Variants in NOX4 observed in about 807,000 individuals in gnomAD.
NOX4 encodes NADPH oxidase 4.
A neutral mutation model predicts 87.6 loss-of-function variants in NOX4; 69 were observed. The ratio of observed to expected loss-of-function variants is 0.79; its 90% CI spans 0.65 to 0.96. The LOEUF (loss-of-function observed/expected upper bound fraction) is 0.96. Ranked by LOEUF, NOX4 falls within the 40% of genes least tolerant of loss-of-function variation. The pLI is 0.00. For synonymous variants in NOX4, 275 were observed against 238.2 expected (o/e 1.15, Z -1.42); for missense variants, 680 against 681.5 (o/e 1.00, Z 0.02).
At chr11:89,429,847 C>T (rs972774473) in intron 7 of NOX4, among the ~76,000 whole-genome samples, 2 of 152,182 alleles carry the variant, frequency 1.3e-5, no homozygotes, top group Non-Finnish European at 2.9e-5. Context: ...CTCCCTAACT[C>T]ATTTTATAAG....
chr11:89,542,755 G>T, the NOX4 span, among the ~76,000 whole-genome samples: 3 of 152,016 alleles, frequency 2.0e-5, no homozygotes, highest in Non-Finnish European at 4.4e-5. Context: ...AGGAACTCAG[G>T]TTTCTAATTA....
At chr11:89,340,915 A>C (rs190795923) in intron 14 of NOX4, among the ~76,000 whole-genome samples, 36 of 152,274 alleles carry the variant, frequency 2.4e-4, no homozygotes, top group African/African-American at 8.4e-4. Flanking sequence ...TTTAAAACTG[A>C]AATAAAATAT....
At chr11:89,384,035 C>G (rs1278765687) in intron 11 of NOX4, among the ~76,000 whole-genome samples, 1 of 152,070 alleles carries the variant, frequency 6.6e-6, no homozygotes, top group Non-Finnish European at 1.5e-5. Flanking sequence ...ACAGCATGGC[C>G]TTTTAAAGCC....
chr11:89,337,618 C>G lies in NOX4; in HGVS notation c.1447-103G>C, dbSNP rs147281059. The G allele has an allele frequency of 2.4e-3, 3,519 of 1,482,064 alleles. 66 individuals carry two copies. In the African/African-American group the frequency reaches 0.043, roughly 18 times the overall value. 91.8% of individuals were successfully genotyped at this position (1,482,064 alleles called of 1,614,324 possible). On this transcript the variant is annotated intron_variant, in intron 15 of 17. Coordinates refer to ENST00000263317, the MANE Select transcript of NOX4 (RefSeq NM_016931.5). ...GATTCTAGAATTTAACACAACCTAG[C>G]TTATCATAGTCAATATCTATAAGAA...
chr11:89,474,223 C>T (rs1339215609), intron 2 of NOX4, among the ~76,000 whole-genome samples: 1 of 152,014 alleles, frequency 6.6e-6, no homozygotes, highest in Non-Finnish European at 1.5e-5. Flanking sequence ...ACAATCACTG[C>T]ATAGTTTCCA....
At chr11:89,579,261 A>T in the NOX4 span, among the ~76,000 whole-genome samples, 1 of 152,198 alleles carries the variant, frequency 6.6e-6, no homozygotes, top group Non-Finnish European at 1.5e-5. Flanking sequence ...AAAAACTCAT[A>T]GAATGCACAA....
At chr11:89,538,824 G>A in the NOX4 span, among the ~76,000 whole-genome samples, 10 of 151,926 alleles carry the variant, frequency 6.6e-5, no homozygotes, top group Non-Finnish European at 1.3e-4. Context: ...AGATGTTATG[G>A]ACTCAATGTT....
chr11:89,533,051 T>C, the NOX4 span, among the ~76,000 whole-genome samples: 5 of 152,278 alleles, frequency 3.3e-5, no homozygotes, highest in South Asian at 1.0e-3. Context: ...TTCATAGCAA[T>C]GTGAAAATGA....
intron 11 of NOX4, among the ~76,000 whole-genome samples, chr11:89,394,103 C>T (rs922628892): frequency 9.9e-5 from 15 of 152,246 alleles, no homozygotes; most frequent in African/African-American, 3.6e-4. Flanking sequence ...GCTCTACACA[C>T]TACTTCTTTT....
intron 11 of NOX4, among the ~76,000 whole-genome samples, chr11:89,386,988 T>TC (rs907690975): frequency 1.3e-5 from 2 of 151,994 alleles, no homozygotes; most frequent in Non-Finnish European, 2.9e-5. Flanking sequence ...CTTCTAACAA[T>TC]CCCACAATAT....
intron 11 of NOX4, among the ~76,000 whole-genome samples, chr11:89,395,591 T>C (rs1941429948): frequency 1.3e-5 from 2 of 152,220 alleles, no homozygotes; most frequent in Non-Finnish European, 2.9e-5. Context: ...GCCTATGTCC[T>C]GAATGGTATT....
chr11:89,383,440 G>A (rs537034577), intron 11 of NOX4, among the ~76,000 whole-genome samples: 159 of 152,264 alleles, frequency 1.0e-3, no homozygotes, highest in African/African-American at 3.3e-3. Flanking sequence ...AGGTCTTCTC[G>A]GCTTAGTGAC....
chr11:89,566,826 T>C, the NOX4 span, among the ~76,000 whole-genome samples: 2 of 152,262 alleles, frequency 1.3e-5, no homozygotes, highest in African/African-American at 4.8e-5. Flanking sequence ...CAGTGACTCC[T>C]TGGAAGGAGT....
At chr11:89,483,974 C>A (rs1946491452) in intron 2 of NOX4, among the ~76,000 whole-genome samples, 1 of 152,030 alleles carries the variant, frequency 6.6e-6, no homozygotes, top group African/African-American at 2.4e-5. Flanking sequence ...AGTTATAGAA[C>A]CCCTCTAACT....
At chr11:89,557,275 G>A in the NOX4 span, 1 of 152,164 alleles carries the variant, frequency 6.6e-6, no homozygotes. Context: ...GAATTATTAA[G>A]TGAAGATGAT....
chr11:89,413,667 AGG>A (rs761216628), intron 8 of NOX4, among the ~76,000 whole-genome samples: 2 of 152,118 alleles, frequency 1.3e-5, no homozygotes, highest in Non-Finnish European at 2.9e-5. Context: ...CGATTACCAG[AGG>A]CTGCGAATGA....
chr11:89,485,467 A>C (rs939823885), intron 2 of NOX4, among the ~76,000 whole-genome samples: 5 of 152,080 alleles, frequency 3.3e-5, no homozygotes, highest in African/African-American at 1.2e-4. Context: ...TTTTCAAGTT[A>C]AAATGTTTAT....
At chr11:89,550,424 G>A in the NOX4 span, among the ~76,000 whole-genome samples, 1 of 152,082 alleles carries the variant, frequency 6.6e-6, no homozygotes, top group Non-Finnish European at 1.5e-5. Flanking sequence ...GACCTCAGGT[G>A]ATCTGCCAAC....
the NOX4 span, among the ~76,000 whole-genome samples, chr11:89,563,035 G>A: frequency 2.0e-5 from 3 of 152,222 alleles, no homozygotes; most frequent in East Asian, 1.9e-4. Flanking sequence ...TGAAAAAGGT[G>A]CCTGCTTCCC....
Sources: gnomAD v4.1 joint callset for allele counts (sites outside exome capture counted in the v4.1 genomes callset) on GRCh38, gnomAD v4.1.1 for gene constraint, MANE v1.5 for transcripts, NCBI Gene and HGNC (gene_info 2026-07-23, HGNC 2026-07-21) for gene names.